The following IRAK3 variants were observed in gnomAD, a reference collection of about 807,000 sequenced individuals.
The protein encoded by IRAK3 is interleukin 1 receptor associated kinase 3, also known as interleukin-1 receptor-associated kinase 3.
Under a neutral mutation model 56.6 loss-of-function variants are expected in IRAK3, and 57 were observed. The observed-to-expected ratio is 1.01, with a 90% CI of 0.81 to 1.26. The LOEUF (loss-of-function observed/expected upper bound fraction) is 1.26. Ranked by LOEUF, IRAK3 falls within the 50% of genes most tolerant of loss-of-function variation. IRAK3 has a pLI of 0.00. For synonymous variants in IRAK3, 258 were observed against 255.7 expected, an observed-to-expected ratio of 1.01 and a Z score of -0.09; for missense variants, 703 against 719.0, an observed-to-expected ratio of 0.98 and a Z score of 0.25.
At chr12:66,218,549 G>T (rs1029257522) in intron 6 of IRAK3, among the ~76,000 whole-genome samples, 1 of 152,098 alleles carries the variant, frequency 6.6e-6, no homozygotes, top group Non-Finnish European at 1.5e-5. Context: ...GTTTTCCATT[G>T]TTGCCAACCT....
chr12:66,212,744 G>A (rs1178115837), intron 5 of IRAK3, among the ~76,000 whole-genome samples: 1 of 152,140 alleles, frequency 6.6e-6, no homozygotes, highest in Non-Finnish European at 1.5e-5. Context: ...GAATGAAGCT[G>A]GAAACCATCA....
intron 8 of IRAK3, among the ~76,000 whole-genome samples, chr12:66,232,587 G>C (rs2052855035): frequency 6.6e-6 from 1 of 152,156 alleles, no homozygotes; most frequent in Non-Finnish European, 1.5e-5. Context: ...AGATGTGATT[G>C]GCTGACCTAG....
chr12:66,247,300 A>T (rs1461654880), intron 11 of IRAK3, among the ~76,000 whole-genome samples: 1 of 151,904 alleles, frequency 6.6e-6, no homozygotes, highest in Non-Finnish European at 1.5e-5. Context: ...AACAAACAAA[A>T]CAAGAACAAC....
At chr12:66,220,741 C>T (rs1355278716) in intron 6 of IRAK3, among the ~76,000 whole-genome samples, 2 of 151,920 alleles carry the variant, frequency 1.3e-5, no homozygotes, top group South Asian at 2.1e-4. Flanking sequence ...GGGACGGTCT[C>T]GATCTCCTGA....
intron 11 of IRAK3, among the ~76,000 whole-genome samples, chr12:66,246,249 C>T (rs115843401): frequency 0.013 from 2,050 of 152,210 alleles, 51 homozygotes; most frequent in African/African-American, 0.046. Context: ...GAATGAATAC[C>T]TGCAAAGGCT....
rs776951445 is a variant in IRAK3, at chr12:66,247,840, AC to A, written c.1461del (p.Asn487LysfsTer10). The stretch of plus-strand genomic sequence containing the variant: ...GTGGAAGATGATGAAAGCCAGAATA[AC>A]AATTTACTACCTTCTGATGAAGGCC... Reference protein sequence around the residue: ...IPVEDDESQNNNLLPSDEGLR... With the variant: ...IPVEDDESQNXNLLPSDEGLR... On this transcript the variant is annotated frameshift_variant, in exon 12 of 12. Coordinates refer to ENST00000261233, the MANE Select transcript of IRAK3 (RefSeq NM_007199.3). LOFTEE classifies it low-confidence loss of function (END_TRUNC). 1,013 of 1,614,200 alleles carry A rather than the reference AC, an allele frequency of 6.3e-4. 6 individuals carry two copies. Among genetic ancestry groups the A allele is most frequent in the Middle Eastern group, 5.9e-3 (36 of 6,062 alleles).
intron 8 of IRAK3, among the ~76,000 whole-genome samples, chr12:66,233,410 T>C (rs928800711): frequency 6.6e-6 from 1 of 151,108 alleles, no homozygotes; most frequent in African/African-American, 2.4e-5. Flanking sequence ...CCCAGCTACT[T>C]GGGAGGCTGA....
intron 1 of IRAK3, chr12:66,196,871 C>A (rs1472318506): frequency 2.0e-6 from 3 of 1,502,374 alleles, no homozygotes; most frequent in Non-Finnish European, 1.8e-6. Flanking sequence ...TTTCCTTTTT[C>A]CCTTACAGTG....
At chr12:66,243,397 G>A (rs909068939) in intron 8 of IRAK3, among the ~76,000 whole-genome samples, 5 of 152,198 alleles carry the variant, frequency 3.3e-5, no homozygotes, top group Non-Finnish European at 5.9e-5. Flanking sequence ...ACAGCATGTC[G>A]TACTACAAAT....
chr12:66,218,469 A>G (rs1316342069), intron 6 of IRAK3, among the ~76,000 whole-genome samples: 2 of 152,190 alleles, frequency 1.3e-5, no homozygotes, highest in African/African-American at 2.4e-5. Flanking sequence ...TGTGCATTTT[A>G]TCATAACAAA....
intron 8 of IRAK3, among the ~76,000 whole-genome samples, chr12:66,233,014 A>T (rs934415015): frequency 1.3e-5 from 2 of 150,126 alleles, no homozygotes; most frequent in Admixed American, 6.6e-5. Flanking sequence ...TATTATTATT[A>T]TTTTTAAAAA....
chr12:66,246,499 GT>G (rs1456939180), intron 11 of IRAK3, among the ~76,000 whole-genome samples: 7 of 152,210 alleles, frequency 4.6e-5, no homozygotes, highest in African/African-American at 1.7e-4. Flanking sequence ...CAGGAGAGCT[GT>G]ATTCCAGGCC....
intron 6 of IRAK3, among the ~76,000 whole-genome samples, chr12:66,223,388 G>A (rs908896901): frequency 1.3e-5 from 2 of 152,098 alleles, no homozygotes; most frequent in African/African-American, 4.8e-5. Flanking sequence ...GGCCAGGCGC[G>A]GTGGCTCACG....
At chr12:66,189,485 G>A in intron 1 of IRAK3, 53 bp downstream of exon 1, 6 of 1,105,588 alleles carry the variant, frequency 5.4e-6, no homozygotes, top group Non-Finnish European at 6.6e-6. Context: ...CGCGCCGCGG[G>A]GCCCGCTCGG....
intron 8 of IRAK3, among the ~76,000 whole-genome samples, chr12:66,242,573 A>G (rs1475407456): frequency 6.6e-6 from 1 of 152,092 alleles, no homozygotes; most frequent in African/African-American, 2.4e-5. Flanking sequence ...GAGAAGGGAG[A>G]AGGCAAGGAG....
intron 3 of IRAK3, among the ~76,000 whole-genome samples, chr12:66,209,731 C>T (rs1437831598): frequency 1.3e-5 from 2 of 152,176 alleles, no homozygotes; most frequent in African/African-American, 4.8e-5. Flanking sequence ...GCTTTCTGTT[C>T]TCAGTGATCT....
rs538185441 is a variant in IRAK3 at position 66,253,604 on chromosome 12, T to C, written c.*5433T>C. On this transcript the variant is annotated 3_prime_UTR_variant, in exon 12 of 12. Transcript: ENST00000261233. ...AAACTTTTCTGGTCGTCTCTATAAA[T>C]AGCAAGATAATATTTACAGAGTTTT... is the stretch of plus-strand genomic sequence containing the variant. 1 of 152,224 alleles carries C rather than the reference T, an allele frequency of 6.6e-6. No individual in the cohort carries two copies. Among genetic ancestry groups the C allele is most frequent in the Admixed American group, 6.5e-5 (1 of 15,282 alleles). The allele number at this position is 152,224 out of a possible 1,614,324, so 9.4% of individuals were successfully genotyped here.
chr12:66,210,494 A>G (rs1169469656), intron 4 of IRAK3, among the ~76,000 whole-genome samples: 1 of 152,204 alleles, frequency 6.6e-6, no homozygotes, highest in East Asian at 1.9e-4. Flanking sequence ...GTGTCATGGG[A>G]AAACATTTTT....
At chr12:66,238,267 G>A (rs915521513) in intron 8 of IRAK3, among the ~76,000 whole-genome samples, 1 of 152,240 alleles carries the variant, frequency 6.6e-6, no homozygotes, top group Non-Finnish European at 1.5e-5. Context: ...ACTGCAGTCA[G>A]ATGAGAGAGC....
Sources: gnomAD v4.1 joint callset for allele counts (sites outside exome capture counted in the v4.1 genomes callset) on GRCh38, gnomAD v4.1.1 for gene constraint, MANE v1.5 for transcripts, NCBI Gene and HGNC (gene_info 2026-07-23, HGNC 2026-07-21) for gene names.